Variants in FAM135A observed in about 807,000 individuals in gnomAD.
FAM135A encodes protein FAM135A.
Under a neutral mutation model 146.8 loss-of-function variants are expected in FAM135A, and 79 were observed. The ratio of observed to expected loss-of-function variants is 0.54; its 90% CI spans 0.45 to 0.65. FAM135A has a LOEUF of 0.65. Among genes scored for constraint, FAM135A ranks in the 30% least tolerant of loss-of-function variants. The pLI, the probability that FAM135A is intolerant of heterozygous loss-of-function variation, is 0.00. For missense variants in FAM135A, 1,623 were observed against 1,758.2 expected (o/e 0.92, Z 1.38); for synonymous variants, 562 against 603.6 (o/e 0.93, Z 1.01).
chr6:70,506,888 T>C (rs576631800), intron 12 of FAM135A, among the ~76,000 whole-genome samples: 26 of 151,990 alleles, frequency 1.7e-4, no homozygotes, highest in African/African-American at 6.3e-4. Context: ...GGGAAGAGAA[T>C]GGTCGCAAGG....
chr6:70,509,542 T>C (rs1203580341), intron 12 of FAM135A, among the ~76,000 whole-genome samples: 1 of 152,208 alleles, frequency 6.6e-6, no homozygotes, highest in Non-Finnish European at 1.5e-5. Context: ...TTTGTTTGTT[T>C]TTCCCACAGA....
At chr6:70,516,636 C>T (rs1792315404) in intron 12 of FAM135A, among the ~76,000 whole-genome samples, 2 of 148,340 alleles carry the variant, frequency 1.3e-5, no homozygotes, top group South Asian at 2.1e-4. Flanking sequence ...CCTGGGTTCA[C>T]GCCATTCTCC....
chr6:70,537,637 A>C lies in FAM135A; in HGVS notation c.4118-654A>C, dbSNP rs183989180. On this transcript the variant is annotated intron_variant, in intron 19 of 21. Coordinates refer to ENST00000418814, the MANE Select transcript of FAM135A (RefSeq NM_001162529.3). ...ACCAATTAAAGGATTGTTTTCCTTT[A>C]ATTTTCTCCTGTTTCCCTAATATTA... Among the ~76,000 whole-genome samples the C allele has an allele frequency of 3.7e-3, 568 of 152,300 alleles. 6 individuals carry two copies. Among genetic ancestry groups the C allele is most frequent in the African/African-American group, 0.013 (548 of 41,572 alleles).
At chr6:70,488,157 T>G (rs1785088715) in intron 10 of FAM135A, among the ~76,000 whole-genome samples, 3 of 152,174 alleles carry the variant, frequency 2.0e-5, no homozygotes, top group African/African-American at 2.4e-5. Context: ...AGTATTGTTC[T>G]TAGTGGCAAA....
chr6:70,487,711 C>G (rs1562506520), intron 10 of FAM135A, among the ~76,000 whole-genome samples: 1 of 152,102 alleles, frequency 6.6e-6, no homozygotes, highest in Non-Finnish European at 1.5e-5. Flanking sequence ...TAGTATGAAA[C>G]TGTGGCCATT....
At chr6:70,547,751 A>G (rs1188994733) in intron 20 of FAM135A, among the ~76,000 whole-genome samples, 1 of 152,230 alleles carries the variant, frequency 6.6e-6, no homozygotes, top group Admixed American at 6.5e-5. Flanking sequence ...GAAAGTTTCA[A>G]TTAAGGTGTT....
At chr6:70,512,264 G>A (rs552113109) in intron 12 of FAM135A, among the ~76,000 whole-genome samples, 30 of 151,834 alleles carry the variant, frequency 2.0e-4, no homozygotes, top group African/African-American at 7.0e-4. Context: ...TTATGGTATC[G>A]TATATCAGAA....
In FAM135A at chr6:70,526,249, T is replaced by C. The variant is rs777325187; in HGVS notation, c.3165T>C (p.Cys1055=). 1 of 1,613,568 alleles carries C rather than the reference T, an allele frequency of 6.2e-7. No individual in the cohort carries two copies. Among genetic ancestry groups the C allele is most frequent in the South Asian group, 1.1e-5 (1 of 91,054 alleles). ...SQSSTDISDT[C]AVSYSNALSP... ...GCAGTACGGATATTTCTGACACATG[T>C]GCTGTTAGCTACAGCAATGCACTTA... The change falls in exon 15 of 22, where the codon TGT becomes TGC. Residue 1055 remains cysteine, a synonymous_variant. Coordinates refer to ENST00000418814, the MANE Select transcript of FAM135A (RefSeq NM_001162529.3).
At chr6:70,417,249 T>G (rs972966394) in intron 2 of FAM135A, among the ~76,000 whole-genome samples, 2 of 151,798 alleles carry the variant, frequency 1.3e-5, no homozygotes, top group African/African-American at 4.8e-5. Flanking sequence ...ATATTGATAA[T>G]AGACTGGGAC....
chr6:70,462,373 T>C (rs749126751), intron 5 of FAM135A, among the ~76,000 whole-genome samples: 1 of 152,200 alleles, frequency 6.6e-6, no homozygotes, highest in Non-Finnish European at 1.5e-5. Flanking sequence ...GTAAAATGTA[T>C]ATATTAATCC....
At chr6:70,516,624 C>T (rs1367482118) in intron 12 of FAM135A, among the ~76,000 whole-genome samples, 2 of 148,778 alleles carry the variant, frequency 1.3e-5, no homozygotes, top group Non-Finnish European at 3.0e-5. Flanking sequence ...CAAGCTCCGC[C>T]TCCTGGGTTC....
chr6:70,482,039 T>A lies in FAM135A; in HGVS notation c.708T>A (p.His236Gln). The A allele has an allele frequency of 6.2e-7, 1 of 1,613,756 alleles. No individual in the cohort carries two copies. Among genetic ancestry groups the A allele is most frequent in the Non-Finnish European group, 8.5e-7 (1 of 1,179,812 alleles). ...TCATTGCAGACTCCTTCCTACATCA[T>A]GCGTATCGTTTTCATTATACACTTT... ...SFIIADSFLHHAYRFHYTLCA... is the reference protein window; with the variant it reads ...SFIIADSFLHQAYRFHYTLCA... Residue 236 changes from histidine to glutamine, a missense_variant, in exon 10 of 22, where the codon CAT (histidine) becomes CAA (glutamine). Physicochemically the swap from His to Gln is conservative, Grantham distance 24. This residue lies in a region of FAM135A where 206 missense variants were observed against 194.7 expected (regional missense o/e 1.06). Transcript: ENST00000418814.
At position 70,480,947 on chromosome 6, in the gene FAM135A, G is replaced by A. The variant is rs1783587006; in HGVS notation, c.589G>A (p.Ala197Thr). Reference sequence around the variant, plus strand: ...AACTTGGTTAAATAGAAATGCACCAGCACAAAACAAAGATTCCGTGATTCC... The same window carrying A: ...AACTTGGTTAAATAGAAATGCACCAACACAAAACAAAGATTCCGTGATTCC... ...KTTWLNRNAP[A>T]QNKDSVIPTL... Residue 197 changes from alanine to threonine, a missense_variant, in exon 9 of 22, where the codon GCA (alanine) becomes ACA (threonine). Coordinates refer to ENST00000418814, the MANE Select transcript of FAM135A (RefSeq NM_001162529.3). 6.2e-7 allele frequency: 1 copy of A among 1,612,550 alleles called. No individual in the cohort carries two copies. The highest frequency in any genetic ancestry group is 2.2e-5 in the East Asian group (1 of 44,690).
At chr6:70,460,651 C>A (rs1779246536) in intron 5 of FAM135A, among the ~76,000 whole-genome samples, 1 of 152,050 alleles carries the variant, frequency 6.6e-6, no homozygotes, top group African/African-American at 2.4e-5. Flanking sequence ...ATGTGGATCA[C>A]TGTTAGATAG....
intron 18 of FAM135A, 142 bp from the exon 19 acceptor site, chr6:70,536,118 C>A: frequency 1.5e-6 from 1 of 678,180 alleles, no homozygotes; most frequent in Non-Finnish European, 2.3e-6. Flanking sequence ...TGTGGTATAT[C>A]ATTTCAAAGT....
intron 2 of FAM135A, among the ~76,000 whole-genome samples, chr6:70,423,404 C>A (rs143567190): frequency 6.6e-6 from 1 of 152,114 alleles, no homozygotes; most frequent in Non-Finnish European, 1.5e-5. Flanking sequence ...CAAAGAGTTA[C>A]GAGACATGAA....
At chr6:70,429,369 C>G (rs934192073) in intron 4 of FAM135A, among the ~76,000 whole-genome samples, 4 of 151,700 alleles carry the variant, frequency 2.6e-5, no homozygotes, top group Non-Finnish European at 4.4e-5. Flanking sequence ...AAAAATTAGC[C>G]GGGCGTGGTG....
chr6:70,543,887 T>G lies in FAM135A; in HGVS notation c.4228+5486T>G, dbSNP rs73485171. Among the ~76,000 whole-genome samples, 614 of 152,292 alleles carry G rather than the reference T, an allele frequency of 4.0e-3. 2 individuals are homozygous for G. The highest frequency in any genetic ancestry group is 0.014 in the African/African-American group (594 of 41,556). On this transcript the variant is annotated intron_variant, in intron 20 of 21. Coordinates refer to ENST00000418814, the MANE Select transcript of FAM135A (RefSeq NM_001162529.3). Reference sequence around the variant, plus strand: ...TATTAATTTATTATTTGCCTTATAGTGCGTGATCTGGTTGTACTAGTCTAA... The same window carrying G: ...TATTAATTTATTATTTGCCTTATAGGGCGTGATCTGGTTGTACTAGTCTAA...
intron 18 of FAM135A, chr6:70,535,805 A>G (rs9455150): frequency 0.15 from 23,061 of 152,490 alleles, 1,938 homozygotes; most frequent in Middle Eastern, 0.19. Context: ...AAAACTGTCC[A>G]TCTTTGAAGT....
Sources: allele counts gnomAD v4.1 joint callset (sites outside exome capture counted in the v4.1 genomes callset), GRCh38; gene constraint gnomAD v4.1.1; regional missense constraint gnomAD v4.1.1; transcripts MANE v1.5; gene names NCBI Gene and HGNC (gene_info 2026-07-23, HGNC 2026-07-21).